FTCDNL1: variants seen among roughly 807,000 people sequenced by gnomAD.
FTCDNL1 encodes the protein formiminotransferase N-terminal subdomain-containing protein.
FTCDNL1 carries 11 observed loss-of-function variants against 5.9 expected under a neutral mutation model. That is an observed-to-expected ratio of 1.87 (90% confidence interval 1.18 to 3.10). The LOEUF is 3.10. Ranked by LOEUF, FTCDNL1 falls within the 30% of genes most tolerant of loss-of-function variation. The pLI, the probability that FTCDNL1 is intolerant of heterozygous loss-of-function variation, is 0.00. For missense variants in FTCDNL1, 115 were observed against 65.5 expected, an observed-to-expected ratio of 1.76 and a Z score of -2.61; for synonymous variants, 58 against 24.8, an observed-to-expected ratio of 2.34 and a Z score of -3.99.
At chr2:199,717,534 T>TTG in the FTCDNL1 span, among the ~76,000 whole-genome samples, 1 of 147,374 alleles carries the variant, frequency 6.8e-6, no homozygotes, top group Admixed American at 6.8e-5. Flanking sequence ...TTTTTTTTTT[T>TTG]TTGCTTCCTC....
the FTCDNL1 span, among the ~76,000 whole-genome samples, chr2:199,732,894 C>A: frequency 0.21 from 31,648 of 152,108 alleles, 3,566 homozygotes; most frequent in East Asian, 0.33. Context: ...TCTATTCCAT[C>A]ACTAATAATA....
chr2:199,806,524 C>T (rs1267821363), downstream of FTCDNL1, among the ~76,000 whole-genome samples: 2 of 152,182 alleles, frequency 1.3e-5, no homozygotes, highest in Non-Finnish European at 2.9e-5. Flanking sequence ...ATGATAAATT[C>T]CTTGCAGATC....
At chr2:199,724,234 C>G in the FTCDNL1 span, among the ~76,000 whole-genome samples, 1 of 151,854 alleles carries the variant, frequency 6.6e-6, no homozygotes, top group African/African-American at 2.4e-5. Context: ...GGTGATATCC[C>G]CTTTATCATT....
At chr2:199,802,149 A>G (rs1340902392) in intron 3 of FTCDNL1, among the ~76,000 whole-genome samples, 1 of 152,084 alleles carries the variant, frequency 6.6e-6, no homozygotes. Context: ...ATTGTGCCTA[A>G]AATATCTAAC....
intron 3 of FTCDNL1, among the ~76,000 whole-genome samples, chr2:199,800,493 T>C (rs1258475648): frequency 6.6e-6 from 1 of 152,208 alleles, no homozygotes; most frequent in Non-Finnish European, 1.5e-5. Context: ...GGTTTGTAAG[T>C]GAATTTAGAA....
At chr2:199,741,939 C>T in the FTCDNL1 span, among the ~76,000 whole-genome samples, 1 of 152,156 alleles carries the variant, frequency 6.6e-6, no homozygotes, top group Admixed American at 6.5e-5. Context: ...GTAATATTGG[C>T]TGCCTTGATA....
At chr2:199,766,066 A>T (rs1698523872) in intron 3 of FTCDNL1, among the ~76,000 whole-genome samples, 1 of 151,690 alleles carries the variant, frequency 6.6e-6, no homozygotes, top group Non-Finnish European at 1.5e-5. Flanking sequence ...CATTCCCCTC[A>T]CCCCCATCAG....
the FTCDNL1 span, among the ~76,000 whole-genome samples, chr2:199,740,211 A>G: frequency 6.6e-6 from 1 of 152,210 alleles, no homozygotes; most frequent in East Asian, 1.9e-4. Context: ...AGCTACCATC[A>G]CTGGCAAAGA....
intron 3 of FTCDNL1, among the ~76,000 whole-genome samples, chr2:199,845,788 G>C (rs2076716318): frequency 6.7e-6 from 1 of 148,348 alleles, no homozygotes; most frequent in African/African-American, 2.5e-5. Context: ...GCTAAAACCT[G>C]AAGATGTCTT....
At chr2:199,781,710 T>C (rs188670159) in intron 3 of FTCDNL1, among the ~76,000 whole-genome samples, 3 of 152,350 alleles carry the variant, frequency 2.0e-5, no homozygotes, top group African/African-American at 7.2e-5. Flanking sequence ...TAGAATAGAA[T>C]ACATATTTGG....
At chr2:199,770,284 T>C (rs760403351) in intron 3 of FTCDNL1, among the ~76,000 whole-genome samples, 12 of 152,156 alleles carry the variant, frequency 7.9e-5, no homozygotes, top group Non-Finnish European at 1.8e-4. Flanking sequence ...TGTCACAGGA[T>C]CACAGGTAAG....
chr2:199,744,905 A>T, the FTCDNL1 span, among the ~76,000 whole-genome samples: 4 of 152,240 alleles, frequency 2.6e-5, no homozygotes, highest in Non-Finnish European at 5.9e-5. Context: ...AGAGACGGGA[A>T]AACGCCCGTT....
chr2:199,758,559 A>G (rs1698149474), downstream of FTCDNL1, among the ~76,000 whole-genome samples: 1 of 152,050 alleles, frequency 6.6e-6, no homozygotes, highest in Admixed American at 6.6e-5. Flanking sequence ...CTTAGTATCC[A>G]TAAATTTAAA....
the FTCDNL1 span, among the ~76,000 whole-genome samples, chr2:199,721,328 G>T: frequency 0.21 from 31,621 of 151,894 alleles, 3,547 homozygotes; most frequent in East Asian, 0.33. Context: ...TGTCCATGTA[G>T]TCTCATTATT....
the FTCDNL1 span, among the ~76,000 whole-genome samples, chr2:199,722,284 A>G: frequency 1.3e-5 from 2 of 152,172 alleles, no homozygotes; most frequent in East Asian, 3.8e-4. Context: ...TCTTTGGTGC[A>G]TCTTGAATTA....
intron 3 of FTCDNL1, among the ~76,000 whole-genome samples, chr2:199,790,187 G>A (rs1241045093): frequency 6.6e-6 from 1 of 151,840 alleles, no homozygotes; most frequent in Non-Finnish European, 1.5e-5. Context: ...AGGCAAAAGA[G>A]ACACAGTGGC....
chr2:199,720,282 A>T, the FTCDNL1 span, among the ~76,000 whole-genome samples: 1 of 152,144 alleles, frequency 6.6e-6, no homozygotes, highest in African/African-American at 2.4e-5. Flanking sequence ...ACCCTATTGA[A>T]GCTGTTCTTT....
At chr2:199,791,277 G>C (rs1699912843) in intron 3 of FTCDNL1, among the ~76,000 whole-genome samples, 1 of 151,396 alleles carries the variant, frequency 6.6e-6, no homozygotes. Context: ...AGAGGGGGAA[G>C]AAAAAGGAGA....
intron 3 of FTCDNL1, among the ~76,000 whole-genome samples, chr2:199,829,824 T>C: frequency 6.6e-6 from 1 of 152,198 alleles, no homozygotes; most frequent in East Asian, 1.9e-4. Context: ...CCAGCCAAAA[T>C]GCAGAACTTA....
Sources: allele counts gnomAD v4.1 joint callset (sites outside exome capture counted in the v4.1 genomes callset), GRCh38; gene constraint gnomAD v4.1.1; transcripts MANE v1.5; gene names NCBI Gene and HGNC (gene_info 2026-07-23, HGNC 2026-07-21).